MGAT4C: variants seen among roughly 807,000 people sequenced by gnomAD.
MGAT4C encodes the protein MGAT4 family member C.
MGAT4C carries 19 observed loss-of-function variants against 40.1 expected under a neutral mutation model. The observed-to-expected ratio is 0.47, with a 90% CI of 0.33 to 0.70. MGAT4C has a LOEUF of 0.70. Among genes scored for constraint, MGAT4C ranks in the 30% least tolerant of loss-of-function variants. MGAT4C has a pLI of 0.02. For synonymous variants in MGAT4C, 181 were observed against 187.1 expected, an observed-to-expected ratio of 0.97 and a Z score of 0.27; for missense variants, 491 against 563.2, an observed-to-expected ratio of 0.87 and a Z score of 1.30.
chr12:86,017,498 G>C (rs1889216435), intron 2 of MGAT4C, among the ~76,000 whole-genome samples: 1 of 152,056 alleles, frequency 6.6e-6, no homozygotes. Context: ...CCACTTGTTA[G>C]TTTAATTACA....
At chr12:86,062,478 G>C (rs190317479) in intron 1 of MGAT4C, among the ~76,000 whole-genome samples, 1 of 151,998 alleles carries the variant, frequency 6.6e-6, no homozygotes, top group Non-Finnish European at 1.5e-5. Flanking sequence ...CTCCTCCAAA[G>C]GATCACAGCT....
chr12:86,541,725 T>G (rs1458012380), intron 2 of MGAT4C, among the ~76,000 whole-genome samples: 1 of 152,222 alleles, frequency 6.6e-6, no homozygotes, highest in African/African-American at 2.4e-5. Context: ...TAATCACTTT[T>G]ATTCATTTTT....
intron 1 of MGAT4C, among the ~76,000 whole-genome samples, chr12:86,139,218 G>C (rs1383124194): frequency 1.3e-5 from 2 of 152,108 alleles, no homozygotes; most frequent in Non-Finnish European, 2.9e-5. Context: ...TAAAAGATAA[G>C]ACTAACATGC....
At chr12:86,627,566 T>C (rs543944331) in intron 2 of MGAT4C, among the ~76,000 whole-genome samples, 40 of 152,308 alleles carry the variant, frequency 2.6e-4, no homozygotes, top group African/African-American at 9.4e-4. Flanking sequence ...ATATTTGCTG[T>C]TCTGCAGCCT....
At chr12:86,419,827 C>T (rs1956787151) in intron 3 of MGAT4C, among the ~76,000 whole-genome samples, 1 of 151,922 alleles carries the variant, frequency 6.6e-6, no homozygotes, top group Admixed American at 6.6e-5. Context: ...CTAATATTGA[C>T]CCTATGTATT....
At position 85,980,419 on chromosome 12, in the gene MGAT4C, T is replaced by C. The variant is rs1658900527; in HGVS notation, c.307A>G (p.Ile103Val). ...TPLQRKRYLTIGLSSVKRKKG... is the reference protein window; with the variant it reads ...TPLQRKRYLTVGLSSVKRKKG... ...TTTCGCTTTACTGAAGAAAGTCCAA[T>C]TGTAAGATACCCTGCAAAAAAGAAT... Residue 103 changes from isoleucine to valine, a missense_variant, in exon 5 of 5, where the codon ATT (isoleucine) becomes GTT (valine). Ile to Val is a conservative substitution (Grantham distance 29). Transcript: ENST00000611864. The C allele has an allele frequency of 1.3e-6, 2 of 1,595,750 alleles. No homozygotes were observed. Among genetic ancestry groups the C allele is most frequent in the Non-Finnish European group, 1.7e-6 (2 of 1,171,936 alleles).
At chr12:86,576,561 C>T (rs1316212561) in intron 2 of MGAT4C, among the ~76,000 whole-genome samples, 1 of 151,806 alleles carries the variant, frequency 6.6e-6, no homozygotes, top group Non-Finnish European at 1.5e-5. Context: ...TTTCCAGCAC[C>T]ATTTATTGAA....
intron 1 of MGAT4C, among the ~76,000 whole-genome samples, chr12:86,742,425 T>A (rs976541105): frequency 1.3e-5 from 2 of 151,566 alleles, no homozygotes; most frequent in African/African-American, 4.8e-5. Flanking sequence ...TAATAAAAAG[T>A]TGCATTTATC....
chr12:86,634,807 C>A (rs1468404741), intron 2 of MGAT4C, among the ~76,000 whole-genome samples: 1 of 152,096 alleles, frequency 6.6e-6, no homozygotes, highest in African/African-American at 2.4e-5. Context: ...CTAAAATAGT[C>A]ACGACAGTGA....
intron 1 of MGAT4C, among the ~76,000 whole-genome samples, chr12:86,742,145 T>G (rs1951078563): frequency 6.6e-6 from 1 of 151,422 alleles, no homozygotes; most frequent in Non-Finnish European, 1.5e-5. Flanking sequence ...ATTTCATATA[T>G]TATTTACCTC....
intron 1 of MGAT4C, among the ~76,000 whole-genome samples, chr12:86,227,006 A>G (rs1019344587): frequency 2.0e-5 from 3 of 151,892 alleles, no homozygotes; most frequent in Non-Finnish European, 2.9e-5. Flanking sequence ...AACTCCTTTC[A>G]GTGAACTTTA....
At chr12:86,583,663 C>T (rs4359271) in intron 2 of MGAT4C, among the ~76,000 whole-genome samples, 128,564 of 151,078 alleles carry the variant, frequency 0.85, 55,235 homozygotes, top group East Asian at 0.96. Flanking sequence ...ACTGCCATTA[C>T]AGCTTATTTA....
In MGAT4C at chr12:86,614,990, T is replaced by C. The variant is rs2136480280; in HGVS notation, c.-229+112219A>G. ...TTTTATTACTTAGATTCATAAGGTG[T>C]ATTAGAGTATATCATCTTGTTTATA... On this transcript the variant is annotated intron_variant, in intron 2 of 7. Coordinates refer to the MGAT4C transcript ENST00000548651. Among the ~76,000 whole-genome samples, 6 of 152,108 alleles carry C rather than the reference T, an allele frequency of 3.9e-5. 1 individual carries two copies. Among genetic ancestry groups the C allele is most frequent in the African/African-American group, 1.4e-4 (6 of 41,544 alleles).
chr12:86,304,025 C>A (rs1335861620), intron 4 of MGAT4C, among the ~76,000 whole-genome samples: 1 of 150,416 alleles, frequency 6.6e-6, no homozygotes, highest in Non-Finnish European at 1.5e-5. Context: ...AAATGTCTCA[C>A]AAATACACAA....
At chr12:86,546,883 G>T (rs1959196142) in intron 2 of MGAT4C, among the ~76,000 whole-genome samples, 2 of 151,976 alleles carry the variant, frequency 1.3e-5, no homozygotes, top group African/African-American at 2.4e-5. Context: ...AAACAGAAAT[G>T]CTAGGGGAAA....
chr12:86,208,433 C>G (rs2135952292), intron 1 of MGAT4C, among the ~76,000 whole-genome samples: 1 of 152,274 alleles, frequency 6.6e-6, no homozygotes, highest in East Asian at 1.9e-4. Flanking sequence ...CACCACTGCA[C>G]CCTAGCCTGG....
chr12:86,141,078 A>G (rs1882772718), intron 1 of MGAT4C, among the ~76,000 whole-genome samples: 2 of 152,142 alleles, frequency 1.3e-5, no homozygotes, highest in Non-Finnish European at 2.9e-5. Flanking sequence ...ATGAGAGAGG[A>G]ACATGGTTGA....
intron 2 of MGAT4C, among the ~76,000 whole-genome samples, chr12:86,517,502 C>T (rs768402441): frequency 1.3e-5 from 2 of 152,176 alleles, no homozygotes; most frequent in Non-Finnish European, 2.9e-5. Context: ...CAATACCACA[C>T]ATATCCCTGG....
chr12:86,352,590 C>T (rs994956964), intron 3 of MGAT4C, among the ~76,000 whole-genome samples: 2 of 151,964 alleles, frequency 1.3e-5, no homozygotes, highest in African/African-American at 4.8e-5. Context: ...CTTTTATGAC[C>T]ACATAGGGTT....
Sources: gnomAD v4.1 joint callset for allele counts (sites outside exome capture counted in the v4.1 genomes callset) on GRCh38, gnomAD v4.1.1 for gene constraint, MANE v1.5 for transcripts, NCBI Gene and HGNC (gene_info 2026-07-23, HGNC 2026-07-21) for gene names.